The following ATP2C1 variants were observed in gnomAD, a reference collection of about 807,000 sequenced individuals.
ATP2C1 encodes the protein calcium-transporting ATPase type 2C member 1.
ATP2C1 carries 31 observed loss-of-function variants against 120.5 expected under a neutral mutation model. That is an observed-to-expected ratio of 0.26 (90% CI 0.19 to 0.35). The LOEUF (loss-of-function observed/expected upper bound fraction) is 0.35. Ranked by LOEUF, ATP2C1 falls within the 10% of genes least tolerant of loss-of-function variation. The pLI, the probability that ATP2C1 is intolerant of heterozygous loss-of-function variation, is 1.00. For synonymous variants in ATP2C1, 351 were observed against 358.7 expected (o/e 0.98, Z 0.24); for missense variants, 731 against 1,107.5 (o/e 0.66, Z 4.83).
At chr3:130,910,527 G>A (rs900838044) in intron 2 of ATP2C1, among the ~76,000 whole-genome samples, 3 of 141,842 alleles carry the variant, frequency 2.1e-5, no homozygotes, top group African/African-American at 8.0e-5. Flanking sequence ...TCTTGTGCCA[G>A]TTTTCAAAGG....
chr3:131,004,751 G>A (rs576077362), downstream of ATP2C1, among the ~76,000 whole-genome samples: 58 of 152,336 alleles, frequency 3.8e-4, no homozygotes, highest in African/African-American at 1.4e-3. Context: ...GTAGGACAGT[G>A]CAGCCAAACA....
At chr3:130,893,858 T>G (rs1179807942), upstream of ATP2C1, 5 of 925,384 alleles carry the variant, frequency 5.4e-6, no homozygotes, top group African/African-American at 7.1e-5. Context: ...CCGAGCGACC[T>G]CCTACCGGAC....
intron 1 of ATP2C1, among the ~76,000 whole-genome samples, chr3:130,886,702 CAATTT>C (rs751985223): frequency 2.6e-5 from 4 of 151,848 alleles, no homozygotes; most frequent in Non-Finnish European, 2.9e-5. Flanking sequence ...TTAACTATTT[CAATTT>C]GTTTGTTAAA....
chr3:131,016,151 G>C lies in ATP2C1; in HGVS notation c.2630-1G>C, dbSNP rs2063624119. On this transcript the variant is annotated splice_acceptor_variant, in intron 26 of 26. Coordinates refer to the ATP2C1 transcript ENST00000328560. LOFTEE classifies it high-confidence loss of function. ...GTTTCCCATGGTGCTTACCGAGTTA[G>C]GTCTGGCTCTGGGAGAGGAGTGGAC... The C allele has an allele frequency of 4.3e-6, 7 of 1,613,768 alleles. No individual in the cohort carries two copies. Among genetic ancestry groups the C allele is most frequent in the Non-Finnish European group, 5.1e-6 (6 of 1,180,002 alleles).
rs1052567739 is a variant in ATP2C1, at chr3:130,884,935, T to C, written c.108+34007T>C. Among the ~76,000 whole-genome samples the C allele has an allele frequency of 4.0e-4, 60 of 148,358 alleles. 1 individual carries two copies. Among genetic ancestry groups the C allele is most frequent in the Admixed American group, 2.5e-3 (37 of 14,984 alleles). ...TTCTTTTCTTTCTTTTCTTTCTTTT[T>C]TTTTTTTTTTTTTTTAAGACGGAGT... is the stretch of plus-strand genomic sequence containing the variant. On this transcript the variant is annotated intron_variant, in intron 1 of 26. Coordinates refer to the ATP2C1 transcript ENST00000504381.
intron 1 of ATP2C1, among the ~76,000 whole-genome samples, chr3:130,860,781 T>A (rs1408026649): frequency 6.6e-6 from 1 of 152,238 alleles, no homozygotes; most frequent in Non-Finnish European, 1.5e-5. Context: ...TCCTTCCTTT[T>A]TTCCTTGACC....
chr3:130,918,796 C>A (rs938943108), intron 2 of ATP2C1: 1 of 359,796 alleles, frequency 2.8e-6, no homozygotes, highest in Non-Finnish European at 5.4e-6. Flanking sequence ...TCGAGACCAT[C>A]CTGGCTAACA....
intron 2 of ATP2C1, among the ~76,000 whole-genome samples, chr3:130,924,382 A>G (rs1424943860): frequency 6.6e-6 from 1 of 152,176 alleles, no homozygotes; most frequent in Non-Finnish European, 1.5e-5. Context: ...GTTTTGTTGA[A>G]GGAGGCTAAA....
downstream of ATP2C1, among the ~76,000 whole-genome samples, chr3:131,007,339 T>C (rs375131134): frequency 1.3e-5 from 2 of 152,338 alleles, no homozygotes; most frequent in East Asian, 3.9e-4. Flanking sequence ...TTTACGCAAA[T>C]CTGGCCAAAC....
intron 12 of ATP2C1, among the ~76,000 whole-genome samples, chr3:130,961,098 G>A (rs1180757755): frequency 6.6e-6 from 1 of 151,700 alleles, no homozygotes; most frequent in African/African-American, 2.4e-5. Flanking sequence ...TCAAGGGAGG[G>A]GGTGAAAATG....
At chr3:130,979,197 T>A in intron 18 of ATP2C1, 52 bp from the exon 19 acceptor site, 1 of 1,580,312 alleles carries the variant, frequency 6.3e-7, no homozygotes, top group African/African-American at 1.3e-5. Flanking sequence ...AATTCTGATG[T>A]TTTCATGACT....
intron 27 of ATP2C1, 44 bp downstream of exon 27, chr3:130,999,703 T>C (rs747203524): frequency 5.9e-6 from 9 of 1,519,424 alleles, no homozygotes; most frequent in Admixed American, 1.7e-5. Context: ...TTTAGATAAA[T>C]CATATTTTCT....
At chr3:130,866,010 A>G (rs558858702) in intron 1 of ATP2C1, among the ~76,000 whole-genome samples, 2 of 152,226 alleles carry the variant, frequency 1.3e-5, no homozygotes, top group East Asian at 1.9e-4. Flanking sequence ...CTTTTTTCAT[A>G]TATATCCTAT....
chr3:130,995,198 G>A (rs1452248535), intron 22 of ATP2C1, among the ~76,000 whole-genome samples: 3 of 152,054 alleles, frequency 2.0e-5, no homozygotes, highest in Non-Finnish European at 4.4e-5. Flanking sequence ...TGGATCACTT[G>A]AGCCCAGGAG....
In ATP2C1 at chr3:130,975,504, C is replaced by T. The variant is rs778670502; in HGVS notation, c.1570+16C>T. ...GGACTCAGAGGTAAGGCTATTTCAG[C>T]ATAGTCCCCTGGGGTGGAAAGGTAG... On this transcript the variant is annotated intron_variant, in intron 18 of 27. Coordinates refer to ENST00000510168, the MANE Select transcript of ATP2C1 (RefSeq NM_001378687.1). 9.3e-6 allele frequency: 15 copies of T among 1,612,652 alleles called. No homozygotes were observed. The African/African-American group carries it at 1.1e-4, about 11-fold the overall frequency.
At chr3:130,935,373 C>T (rs1264469174) in intron 5 of ATP2C1, among the ~76,000 whole-genome samples, 1 of 152,164 alleles carries the variant, frequency 6.6e-6, no homozygotes, top group African/African-American at 2.4e-5. Flanking sequence ...TTACAGCATA[C>T]ATTTACTATA....
chr3:130,872,736 C>T (rs2068476268), intron 1 of ATP2C1, among the ~76,000 whole-genome samples: 1 of 152,102 alleles, frequency 6.6e-6, no homozygotes, highest in African/African-American at 2.4e-5. Flanking sequence ...GGGCACCTAC[C>T]ACCACACCTG....
intron 26 of ATP2C1, 147 bp downstream of exon 26, chr3:130,998,536 A>G: frequency 2.9e-6 from 2 of 688,974 alleles, no homozygotes; most frequent in South Asian, 1.6e-5. Flanking sequence ...TCTTATAAAC[A>G]TGTGCCATTG....
Position 130,904,648 on chromosome 3 carries a change from T to C in ATP2C1, c.6+9873T>C, listed in dbSNP as rs1434179608. Among the ~76,000 whole-genome samples the C allele has an allele frequency of 2.0e-5, 3 of 152,028 alleles. No homozygotes were observed. The East Asian group carries it at 5.8e-4, about 29-fold the overall frequency. Reference sequence around the variant, plus strand: ...TAGTGGGGAGGTACTGCAAATATACTGTGTCCCATCATACTTATCATGGGC... The same window carrying C: ...TAGTGGGGAGGTACTGCAAATATACCGTGTCCCATCATACTTATCATGGGC... On this transcript the variant is annotated intron_variant, in intron 2 of 27. Coordinates refer to ENST00000510168, the MANE Select transcript of ATP2C1 (RefSeq NM_001378687.1).
Sources: allele counts gnomAD v4.1 joint callset (sites outside exome capture counted in the v4.1 genomes callset), GRCh38; gene constraint gnomAD v4.1.1; transcripts MANE v1.5; gene names NCBI Gene and HGNC (gene_info 2026-07-23, HGNC 2026-07-21).